ARNT2: variants seen among roughly 807,000 people sequenced by gnomAD.
ARNT2 encodes the protein ARNT protein 2.
Under a neutral mutation model 91.7 loss-of-function variants are expected in ARNT2, and 36 were observed. The observed-to-expected ratio is 0.39, with a 90% confidence interval of 0.30 to 0.52. The LOEUF (loss-of-function observed/expected upper bound fraction) is 0.52. Among genes scored for constraint, ARNT2 ranks in the 20% least tolerant of loss-of-function variants. ARNT2 has a pLI of 0.72. For synonymous variants in ARNT2, 365 were observed against 347.1 expected (o/e 1.05, Z -0.57); for missense variants, 775 against 939.3 (o/e 0.83, Z 2.29).
intron 6 of ARNT2, among the ~76,000 whole-genome samples, chr15:80,513,491 C>T (rs925357073): frequency 9.2e-5 from 14 of 152,164 alleles, no homozygotes; most frequent in Non-Finnish European, 2.9e-5. Flanking sequence ...TAACTGGCAA[C>T]ATCTGTTTTA....
chr15:80,514,900 A>G (rs1039138472), intron 8 of ARNT2, among the ~76,000 whole-genome samples: 1 of 152,204 alleles, frequency 6.6e-6, no homozygotes, highest in African/African-American at 2.4e-5. Context: ...AAACAAACAA[A>G]CAAACAAAAA....
intron 1 of ARNT2, among the ~76,000 whole-genome samples, chr15:80,437,966 CT>C (rs1567179488): frequency 6.8e-6 from 1 of 148,142 alleles, no homozygotes; most frequent in Non-Finnish European, 1.5e-5. Flanking sequence ...CACACAGAGT[CT>C]CTTTCTCTGT....
At chr15:80,561,715 T>C (rs552644794) in intron 11 of ARNT2, among the ~76,000 whole-genome samples, 1 of 152,306 alleles carries the variant, frequency 6.6e-6, no homozygotes, top group South Asian at 2.1e-4. Context: ...ATCCTCCCTT[T>C]GGCCAGTGTA....
chr15:80,495,265 C>T (rs1897111007), intron 5 of ARNT2, among the ~76,000 whole-genome samples: 1 of 152,154 alleles, frequency 6.6e-6, no homozygotes, highest in Non-Finnish European at 1.5e-5. Flanking sequence ...CAGCAGGAGC[C>T]CATTCTGCTC....
chr15:80,431,903 T>C (rs1291123844), intron 1 of ARNT2, among the ~76,000 whole-genome samples: 1 of 149,764 alleles, frequency 6.7e-6, no homozygotes, highest in African/African-American at 2.4e-5. Flanking sequence ...CTGAAGTAGC[T>C]CTCAGCTGAA....
chr15:80,584,849 C>A (rs1400348033), intron 17 of ARNT2, among the ~76,000 whole-genome samples: 1 of 152,256 alleles, frequency 6.6e-6, no homozygotes, highest in Non-Finnish European at 1.5e-5. Context: ...CTGCTTCTGG[C>A]TGGCTGGAGC....
At chr15:80,442,882 T>G (rs1896215726) in intron 1 of ARNT2, 1 of 985,468 alleles carries the variant, frequency 1.0e-6, no homozygotes, top group Non-Finnish European at 1.2e-6. Context: ...TTTCCCTTTT[T>G]GGGATCTGAC....
chr15:80,442,280 C>G (rs978267378), intron 1 of ARNT2, among the ~76,000 whole-genome samples: 1 of 152,158 alleles, frequency 6.6e-6, no homozygotes, highest in African/African-American at 2.4e-5. Flanking sequence ...GCATTTTTTG[C>G]AGTCCATTGC....
chr15:80,458,871 G>A (rs1279486861), intron 3 of ARNT2, among the ~76,000 whole-genome samples: 1 of 152,122 alleles, frequency 6.6e-6, no homozygotes, highest in African/African-American at 2.4e-5. Context: ...AACTTGCCAT[G>A]GGTGACGGTT....
At chr15:80,546,919 C>T (rs1316596327) in intron 8 of ARNT2, among the ~76,000 whole-genome samples, 7 of 151,592 alleles carry the variant, frequency 4.6e-5, no homozygotes, top group African/African-American at 9.7e-5. Context: ...GCCGAGATCA[C>T]GCCATTGCAC....
intron 17 of ARNT2, among the ~76,000 whole-genome samples, chr15:80,584,968 G>A (rs1056046123): frequency 3.3e-5 from 5 of 152,246 alleles, no homozygotes; most frequent in Non-Finnish European, 5.9e-5. Context: ...CTTTTGAACA[G>A]TGCTTCAACT....
At chr15:80,557,967 T>TG in intron 11 of ARNT2, among the ~76,000 whole-genome samples, 1 of 152,348 alleles carries the variant, frequency 6.6e-6, no homozygotes, top group Admixed American at 6.5e-5. Flanking sequence ...CTTCATGCTG[T>TG]ATGTATACCT....
chr15:80,470,156 G>A (rs1896712580), intron 3 of ARNT2, 62 bp from the exon 4 acceptor site: 1 of 1,470,234 alleles, frequency 6.8e-7, no homozygotes, highest in Non-Finnish European at 9.3e-7. Context: ...CCATTAGATA[G>A]TAATCCCTAA....
rs1364631891 is a variant in ARNT2 at position 80,409,000 on chromosome 15, C to A, written c.31+4454C>A. On this transcript the variant is annotated intron_variant, in intron 1 of 18. Coordinates refer to ENST00000303329, the MANE Select transcript of ARNT2 (RefSeq NM_014862.4). ...CATATATCCCCTGCCCCCACACATG[C>A]ACAACCTCCCCCATGATCAACATTC... Among the ~76,000 whole-genome samples, 6 of 152,208 alleles carry A rather than the reference C, an allele frequency of 3.9e-5. No individual in the cohort carries two copies. In the East Asian group the frequency reaches 1.2e-3, roughly 29 times the overall value.
chr15:80,405,967 GGA>G (rs1489319016), intron 1 of ARNT2, among the ~76,000 whole-genome samples: 1 of 152,168 alleles, frequency 6.6e-6, no homozygotes, highest in African/African-American at 2.4e-5. Flanking sequence ...CACTTTTTCT[GGA>G]AGACTGATTT....
chr15:80,418,443 A>AC (rs1448689367), intron 1 of ARNT2, among the ~76,000 whole-genome samples: 1 of 151,610 alleles, frequency 6.6e-6, no homozygotes, highest in Non-Finnish European at 1.5e-5. Flanking sequence ...TCTTCTCACC[A>AC]CCCCTCTCCA....
chr15:80,574,270 G>C, intron 13 of ARNT2, 50 bp downstream of exon 13: 1 of 1,547,194 alleles, frequency 6.5e-7, no homozygotes, highest in South Asian at 1.1e-5. Context: ...CCAGCCCAAT[G>C]GACTTGGGAC....
chr15:80,435,243 C>T (rs554671639), intron 1 of ARNT2, among the ~76,000 whole-genome samples: 23 of 152,208 alleles, frequency 1.5e-4, no homozygotes, highest in Non-Finnish European at 3.1e-4. Context: ...TAGGTGCCAG[C>T]TCTGCCCGAG....
chr15:80,580,502 C>CAA lies in ARNT2; in HGVS notation c.1706_1707insAA (p.Ser570ArgfsTer258). ...GTCCCAAATCTCCCGGCAGCTAAAC[C>CAA]AGAGTCAGGTGGCATGGACAGGGAG... On this transcript the variant is annotated frameshift_variant, in exon 16 of 19. Coordinates refer to ENST00000303329, the MANE Select transcript of ARNT2 (RefSeq NM_014862.4). LOFTEE classifies it high-confidence loss of function. 6.2e-7 allele frequency: 1 copy of CAA among 1,614,072 alleles called. No homozygotes were observed. The highest frequency in any genetic ancestry group is 2.2e-5 in the East Asian group (1 of 44,900).
Sources: gnomAD v4.1 joint callset for allele counts (sites outside exome capture counted in the v4.1 genomes callset) on GRCh38, gnomAD v4.1.1 for gene constraint, MANE v1.5 for transcripts, NCBI Gene and HGNC (gene_info 2026-07-23, HGNC 2026-07-21) for gene names.